Variants in FSIP1 observed in about 807,000 individuals in gnomAD.
FSIP1 encodes the protein fibrous sheath interacting protein 1, also known as fibrous sheath-interacting protein 1.
Under a neutral mutation model 60.9 loss-of-function variants are expected in FSIP1, and 65 were observed. That is an observed-to-expected ratio of 1.07 (90% CI 0.87 to 1.31). The LOEUF (loss-of-function observed/expected upper bound fraction) is 1.31. Ranked by LOEUF, FSIP1 falls within the 40% of genes most tolerant of loss-of-function variation. The pLI, the probability that FSIP1 is intolerant of heterozygous loss-of-function variation, is 0.00. For synonymous variants in FSIP1, 209 were observed against 221.2 expected (o/e 0.94, Z 0.49); for missense variants, 675 against 665.5 (o/e 1.01, Z -0.16).
At chr15:39,722,429 T>C (rs1051100361) in intron 9 of FSIP1, among the ~76,000 whole-genome samples, 1 of 152,166 alleles carries the variant, frequency 6.6e-6, no homozygotes, top group Admixed American at 6.5e-5. Flanking sequence ...GGAAGAATTG[T>C]CTTCCACAAA....
chr15:39,743,918 C>A (rs554883786), intron 5 of FSIP1, among the ~76,000 whole-genome samples: 9 of 152,110 alleles, frequency 5.9e-5, no homozygotes, highest in Non-Finnish European at 1.0e-4. Flanking sequence ...TTCAAAAATG[C>A]CTGTGTCATA....
At chr15:39,689,634 G>A (rs1328366060) in intron 10 of FSIP1, among the ~76,000 whole-genome samples, 2 of 152,136 alleles carry the variant, frequency 1.3e-5, no homozygotes, top group Non-Finnish European at 2.9e-5. Flanking sequence ...TCTCACTCAG[G>A]ATATTACAAA....
intron 10 of FSIP1, among the ~76,000 whole-genome samples, chr15:39,640,326 C>T (rs1172977165): frequency 1.3e-5 from 2 of 152,170 alleles, no homozygotes; most frequent in Non-Finnish European, 2.9e-5. Flanking sequence ...GCCACAGCAG[C>T]CTCCAGAGAC....
chr15:39,779,504 C>G (rs989478410), intron 1 of FSIP1, among the ~76,000 whole-genome samples: 4 of 152,164 alleles, frequency 2.6e-5, no homozygotes, highest in African/African-American at 9.7e-5. Flanking sequence ...ATAAAAATCA[C>G]CCAACATCCC....
chr15:39,752,211 G>A (rs1464144971), intron 5 of FSIP1, among the ~76,000 whole-genome samples: 1 of 151,898 alleles, frequency 6.6e-6, no homozygotes, highest in Admixed American at 6.6e-5. Flanking sequence ...TATTTCCTAG[G>A]TTTTCTTCTA....
At chr15:39,731,397 C>CCTAATGA (rs1896397821) in intron 8 of FSIP1, among the ~76,000 whole-genome samples, 1 of 151,968 alleles carries the variant, frequency 6.6e-6, no homozygotes, top group African/African-American at 2.4e-5. Flanking sequence ...GATGTCAATA[C>CCTAATGA]CATATAGCCT....
intron 10 of FSIP1, among the ~76,000 whole-genome samples, chr15:39,661,877 G>A (rs1032925060): frequency 1.6e-4 from 24 of 152,148 alleles, no homozygotes; most frequent in African/African-American, 4.6e-4. Flanking sequence ...AAAAATATTA[G>A]TTAATCAGCC....
chr15:39,711,676 C>CT (rs66840718), intron 10 of FSIP1, among the ~76,000 whole-genome samples: 54,169 of 84,496 alleles, frequency 0.64, 19,747 homozygotes, highest in Middle Eastern at 0.81. Context: ...ATTCCTACTT[C>CT]TTTTTTTTTT....
chr15:39,674,346 A>T (rs534224043), intron 10 of FSIP1, among the ~76,000 whole-genome samples: 2 of 152,156 alleles, frequency 1.3e-5, no homozygotes, highest in Non-Finnish European at 2.9e-5. Flanking sequence ...GAGCCACTGC[A>T]TCCGGCCAAA....
Position 39,770,408 on chromosome 15 carries a change from C to A in FSIP1, c.310+19G>T, listed in dbSNP as rs763302307. The A allele has an allele frequency of 1.3e-6, 2 of 1,520,338 alleles. No homozygotes were observed. Among genetic ancestry groups the A allele is most frequent in the East Asian group, 2.3e-5 (1 of 43,084 alleles). The allele number at this position is 1,520,338 out of a possible 1,614,324, so 94.2% of individuals were successfully genotyped here. A position where few individuals can be genotyped will look rare whatever the true frequency, so the allele number is the denominator to read the frequency against. ...ACATTTGTAATTATCATTAGCCAAT[C>A]ACCTAGTGATTATCCTACCTGAACA... On this transcript the variant is annotated intron_variant, in intron 3 of 11. Coordinates refer to ENST00000350221, the MANE Select transcript of FSIP1 (RefSeq NM_152597.5).
At chr15:39,675,857 C>A (rs1049627874) in intron 10 of FSIP1, among the ~76,000 whole-genome samples, 1 of 151,778 alleles carries the variant, frequency 6.6e-6, no homozygotes, top group African/African-American at 2.4e-5. Context: ...AGATATTACA[C>A]CCTCTCTCAT....
intron 2 of FSIP1, among the ~76,000 whole-genome samples, chr15:39,773,778 A>G (rs538467939): frequency 6.6e-6 from 1 of 152,368 alleles, no homozygotes; most frequent in African/African-American, 2.4e-5. Flanking sequence ...TACATACTGT[A>G]TGATTCCATT....
chr15:39,759,698 G>A (rs954408931), intron 5 of FSIP1, among the ~76,000 whole-genome samples: 4 of 152,152 alleles, frequency 2.6e-5, no homozygotes, highest in Non-Finnish European at 4.4e-5. Context: ...GCAGGGCCAC[G>A]TTCCCTCCAG....
Position 39,741,821 on chromosome 15 carries a change from C to A in FSIP1, c.639G>T (p.Met213Ile), listed in dbSNP as rs928773090. The change falls in exon 6 of 12, where the codon ATG (methionine) becomes ATT (isoleucine). Residue 213 changes from methionine (M) to isoleucine (I), a missense_variant. Physicochemically the swap from Met to Ile is conservative, Grantham distance 10. Transcript: ENST00000350221. ...TAAATATACCTTTATTGAGTTTCTG[C>A]ATCTGCATTTCATATTCTTCTGGAG... ...QIPPEEYEMQ[M>I]QKLNKDFTCD... 6.3e-7 allele frequency: 1 copy of A among 1,576,960 alleles called. No homozygotes were observed.
chr15:39,768,611 C>T (rs778185083), intron 3 of FSIP1, among the ~76,000 whole-genome samples: 39 of 152,318 alleles, frequency 2.6e-4, no homozygotes, highest in Middle Eastern at 3.4e-3. Flanking sequence ...GGAAGACAGT[C>T]ATCCTATTGT....
At chr15:39,630,973 CTG>C (rs1891858990) in intron 10 of FSIP1, among the ~76,000 whole-genome samples, 1 of 152,186 alleles carries the variant, frequency 6.6e-6, no homozygotes, top group South Asian at 2.1e-4. Flanking sequence ...CGGCTGCCCT[CTG>C]TGTCTCCCAA....
intron 10 of FSIP1, among the ~76,000 whole-genome samples, chr15:39,659,241 G>A (rs1893192342): frequency 1.3e-5 from 2 of 152,078 alleles, no homozygotes; most frequent in African/African-American, 4.8e-5. Context: ...TACCCTCTGT[G>A]AGTACAGTAA....
At chr15:39,723,976 T>G (rs1896087845) in intron 9 of FSIP1, among the ~76,000 whole-genome samples, 1 of 152,246 alleles carries the variant, frequency 6.6e-6, no homozygotes, top group African/African-American at 2.4e-5. Flanking sequence ...GCTCAAAAGA[T>G]ATTCTTTATT....
chr15:39,710,360 G>T (rs1895448395), intron 10 of FSIP1, among the ~76,000 whole-genome samples: 1 of 149,446 alleles, frequency 6.7e-6, no homozygotes, highest in South Asian at 2.1e-4. Flanking sequence ...GCACACACCT[G>T]TAGTCCTAAC....
Sources: gnomAD v4.1 joint callset for allele counts (sites outside exome capture counted in the v4.1 genomes callset) on GRCh38, gnomAD v4.1.1 for gene constraint, MANE v1.5 for transcripts, NCBI Gene and HGNC (gene_info 2026-07-23, HGNC 2026-07-21) for gene names.